Variants in AXDND1 observed in about 807,000 individuals in gnomAD.
AXDND1 encodes axonemal dynein light chain domain-containing protein 1.
AXDND1 carries 110 observed loss-of-function variants against 137.5 expected under a neutral mutation model. The observed-to-expected ratio is 0.80, with a 90% CI of 0.69 to 0.94. AXDND1 has a LOEUF of 0.94. Ranked by LOEUF, AXDND1 falls within the 40% of genes least tolerant of loss-of-function variation. The probability of loss-of-function intolerance (pLI) is 0.00; values close to 1 mark genes in which losing one functional copy is unlikely to be tolerated. For missense variants in AXDND1, 1,191 were observed against 1,169.8 expected (o/e 1.02, Z -0.26); for synonymous variants, 414 against 399.7 (o/e 1.04, Z -0.43).
chr1:179,545,787 G>T (rs1449802311), intron 25 of AXDND1: 1 of 152,146 alleles, frequency 6.6e-6, no homozygotes, highest in African/African-American at 2.4e-5. Flanking sequence ...TGCGTAGAAG[G>T]CTTAGTCTCT....
chr1:179,397,834 A>T (rs527560367), intron 11 of AXDND1, among the ~76,000 whole-genome samples: 1 of 152,114 alleles, frequency 6.6e-6, no homozygotes, highest in African/African-American at 2.4e-5. Context: ...TTTCAGCTCT[A>T]TCAGCCCAGT....
intron 11 of AXDND1, among the ~76,000 whole-genome samples, chr1:179,404,340 G>T (rs560845863): frequency 6.6e-6 from 1 of 151,720 alleles, no homozygotes; most frequent in South Asian, 2.1e-4. Flanking sequence ...TCCTGCCTCA[G>T]CCTCCTGAGT....
At chr1:179,529,448 G>T (rs1670855331) in intron 23 of AXDND1, among the ~76,000 whole-genome samples, 1 of 152,196 alleles carries the variant, frequency 6.6e-6, no homozygotes, top group Admixed American at 6.5e-5. Context: ...TTTAACATGT[G>T]TACATAAGAG....
chr1:179,442,999 C>T (rs1156255915), intron 15 of AXDND1, among the ~76,000 whole-genome samples: 4 of 152,094 alleles, frequency 2.6e-5, no homozygotes, highest in East Asian at 3.9e-4. Flanking sequence ...GAAAGGGGGG[C>T]GGTGATTGTC....
At chr1:179,436,152 C>G (rs1658122081) in intron 15 of AXDND1, among the ~76,000 whole-genome samples, 1 of 152,188 alleles carries the variant, frequency 6.6e-6, no homozygotes, top group African/African-American at 2.4e-5. Flanking sequence ...AGATACATCT[C>G]ATGCCAGTCA....
At chr1:179,499,512 C>A (rs1035838678) in intron 20 of AXDND1, among the ~76,000 whole-genome samples, 3 of 152,120 alleles carry the variant, frequency 2.0e-5, no homozygotes, top group Non-Finnish European at 4.4e-5. Context: ...CAACTGCTAA[C>A]AGGTACAGGC....
intron 25 of AXDND1, chr1:179,552,789 AAT>A: frequency 1.2e-6 from 1 of 845,318 alleles, no homozygotes; most frequent in Non-Finnish European, 2.0e-6. Context: ...ATGAGTAGCA[AAT>A]TTGGAGTGAC....
intron 9 of AXDND1, among the ~76,000 whole-genome samples, chr1:179,387,654 TA>T (rs1327103997): frequency 1.3e-5 from 2 of 152,206 alleles, no homozygotes; most frequent in South Asian, 4.1e-4. Flanking sequence ...TTAAGTTATT[TA>T]AAAAAATTTG....
chr1:179,467,955 C>A (rs1182251762), intron 16 of AXDND1, among the ~76,000 whole-genome samples: 1 of 152,196 alleles, frequency 6.6e-6, no homozygotes, highest in Non-Finnish European at 1.5e-5. Context: ...GATCCACACT[C>A]AAGTTTTGTT....
chr1:179,518,373 ATTTTCCT>A (rs1308361402), intron 21 of AXDND1, among the ~76,000 whole-genome samples: 3 of 139,060 alleles, frequency 2.2e-5, no homozygotes, highest in Non-Finnish European at 3.1e-5. Flanking sequence ...TTTATGATAC[ATTTTCCT>A]TTTTCTTTTT....
rs111689527 is a variant in AXDND1 at position 179,468,409 on chromosome 1, T to C, written c.1799-34T>C. On this transcript the variant is annotated intron_variant, in intron 16 of 25. Coordinates refer to ENST00000367618, the MANE Select transcript of AXDND1 (RefSeq NM_144696.6). ...TATTAAAATAGTAGTCTTACAAATA[T>C]TTCTAAAAGTTAATGCTTTTCTTAC... 43 of 1,439,736 alleles carry C rather than the reference T, an allele frequency of 3.0e-5. No homozygotes were observed. The African/African-American group carries it at 4.4e-4, about 15-fold the overall frequency. The allele number at this position is 1,439,736 out of a possible 1,614,324, so 89.2% of individuals were successfully genotyped here. A position where few individuals can be genotyped will look rare whatever the true frequency, so the allele number is the denominator to read the frequency against.
At position 179,554,561 on chromosome 1, in the gene AXDND1, G is replaced by A. The variant is rs761566544; in HGVS notation, c.*42G>A. 29 of 1,613,996 alleles carry A rather than the reference G, an allele frequency of 1.8e-5. No individual in the cohort carries two copies. Among genetic ancestry groups the A allele is most frequent in the Non-Finnish European group, 2.2e-5 (26 of 1,180,000 alleles). ...GGAAAGAAGAATTCAGATGTCAGTGGGAGCCTCCAGGTGGGAGGAGAGCAT... is the reference window on the plus strand; with the variant it reads ...GGAAAGAAGAATTCAGATGTCAGTGAGAGCCTCCAGGTGGGAGGAGAGCAT... On this transcript the variant is annotated 3_prime_UTR_variant, in exon 26 of 26. Transcript: ENST00000367618.
At chr1:179,401,258 C>CAA (rs201354000) in intron 11 of AXDND1, among the ~76,000 whole-genome samples, 1,089 of 83,644 alleles carry the variant, frequency 0.013, 29 homozygotes, top group East Asian at 0.074. Context: ...AACTCCATCT[C>CAA]AAAAAAAAAA....
chr1:179,496,535 T>G (rs1335002870), intron 20 of AXDND1, among the ~76,000 whole-genome samples: 2 of 152,026 alleles, frequency 1.3e-5, no homozygotes, highest in African/African-American at 2.4e-5. Flanking sequence ...CTTTTAATAA[T>G]TGTAGGATGT....
chr1:179,367,875 C>A (rs955814266), intron 2 of AXDND1, among the ~76,000 whole-genome samples: 2 of 152,154 alleles, frequency 1.3e-5, no homozygotes, highest in Non-Finnish European at 2.9e-5. Context: ...ATATGCGGAT[C>A]TGTACTAGAG....
At chr1:179,552,338 G>A (rs1673408297) in intron 25 of AXDND1, 2 of 537,374 alleles carry the variant, frequency 3.7e-6, no homozygotes, top group South Asian at 4.0e-5. Flanking sequence ...TGTGTGTGGA[G>A]GAGATGCCTT....
intron 25 of AXDND1, among the ~76,000 whole-genome samples, chr1:179,553,674 A>G (rs1420308120): frequency 6.6e-6 from 1 of 152,230 alleles, no homozygotes; most frequent in Non-Finnish European, 1.5e-5. Context: ...GAAATTAGAT[A>G]ATAGTAATGG....
rs371524212 is a variant in AXDND1, at chr1:179,433,548, A to G, written c.1563+1206A>G. On this transcript the variant is annotated intron_variant, in intron 15 of 25. Transcript: ENST00000367618. ...ACGCTGCTTTAGCTGTGTCCCAGACATTCTGGTGTGTTGTCTCTTTGTTCT... is the reference window on the plus strand; with the variant it reads ...ACGCTGCTTTAGCTGTGTCCCAGACGTTCTGGTGTGTTGTCTCTTTGTTCT... 5.3e-3 allele frequency among the ~76,000 whole-genome samples: 807 copies of G among 152,298 alleles called. 10 individuals carry two copies. The highest frequency in any genetic ancestry group is 0.019 in the African/African-American group (783 of 41,554).
intron 4 of AXDND1, among the ~76,000 whole-genome samples, chr1:179,373,600 A>G (rs987416860): frequency 9.8e-5 from 15 of 152,332 alleles, no homozygotes; most frequent in Admixed American, 9.8e-4. Context: ...CAGTAACCAA[A>G]ACAGCATGGT....
Sources: allele counts gnomAD v4.1 joint callset (sites outside exome capture counted in the v4.1 genomes callset), GRCh38; gene constraint gnomAD v4.1.1; transcripts MANE v1.5; gene names NCBI Gene and HGNC (gene_info 2026-07-23, HGNC 2026-07-21).